APOH: variants seen among roughly 807,000 people sequenced by gnomAD.
APOH encodes beta-2-glycoprotein 1.
A neutral mutation model predicts 39.8 loss-of-function variants in APOH; 48 were observed. The ratio of observed to expected loss-of-function variants is 1.21; its 90% confidence interval spans 0.96 to 1.54. APOH has a LOEUF of 1.54. Among genes scored for constraint, APOH ranks in the 40% most tolerant of loss-of-function variants. The probability of loss-of-function intolerance (pLI) is 0.00; values close to 1 mark genes in which losing one functional copy is unlikely to be tolerated. For synonymous variants in APOH, 153 were observed against 151.1 expected (o/e 1.01, Z -0.09); for missense variants, 415 against 421.2 (o/e 0.99, Z 0.13).
At chr17:66,223,634 CT>C in intron 4 of APOH, 63 bp downstream of exon 4, 1 of 1,416,648 alleles carries the variant, frequency 7.1e-7, no homozygotes, top group South Asian at 1.2e-5. Context: ...AGATGTGAGA[CT>C]TTGAGTGCTA....
Position 66,220,564 on chromosome 17 carries a change from T to C in APOH, c.594A>G (p.Pro198=). ...GATCATTGCACTTACCCCTGCATTC[T>C]GGTAATTTAGTCCAATTTCCATGTG... is the stretch of plus-strand genomic sequence containing the variant. ...CTTHGNWTKL[P]ECREVKCPFP... Residue 198 remains proline, a synonymous_variant, in exon 5 of 8, where the codon CCA becomes CCG. Transcript: ENST00000205948. The C allele has an allele frequency of 1.2e-6, 2 of 1,614,102 alleles. No individual in the cohort carries two copies. The highest frequency in any genetic ancestry group is 1.7e-6 in the Non-Finnish European group (2 of 1,179,922).
At position 66,216,935 on chromosome 17, in the gene APOH, T is replaced by C; in HGVS notation, c.637A>G (p.Asn213Asp). 1.2e-6 allele frequency: 2 copies of C among 1,607,120 alleles called. No homozygotes were observed. Among genetic ancestry groups the C allele is most frequent in the Non-Finnish European group, 1.7e-6 (2 of 1,177,598 alleles). The change falls in exon 6 of 8, where the codon AAT becomes GAT. Residue 213 changes from asparagine (N) to aspartate (D), a missense_variant. By Grantham distance (23) the Asn-to-Asp change is conservative. This residue lies in a region of APOH where 288 missense variants were observed against 284.9 expected (regional missense o/e 1.01). Coordinates refer to ENST00000205948, the MANE Select transcript of APOH (RefSeq NM_000042.3). ...VKCPFPSRPD[N>D]GFVNYPAKPT... Reference sequence around the variant, plus strand: ...TTTGCAGGATAGTTCACAAATCCATTGTCTGGTCTTGATGGGAATGGGCAT... The same window carrying C: ...TTTGCAGGATAGTTCACAAATCCATCGTCTGGTCTTGATGGGAATGGGCAT...
chr17:66,228,316 C>T (rs926038755), intron 1 of APOH, 120 bp from the exon 2 acceptor site: 14 of 968,612 alleles, frequency 1.4e-5, no homozygotes, highest in Admixed American at 2.5e-5. Context: ...AAGTTGCATG[C>T]CAAATACCTC....
At chr17:66,224,084 T>C (rs1180802059) in intron 3 of APOH, among the ~76,000 whole-genome samples, 2 of 152,178 alleles carry the variant, frequency 1.3e-5, no homozygotes, top group East Asian at 3.8e-4. Flanking sequence ...TTTTTCAGGA[T>C]GACAAAAGTG....
chr17:66,229,315 C>T lies in APOH; in HGVS notation c.64+1G>A. 5 of 1,612,992 alleles carry T rather than the reference C, an allele frequency of 3.1e-6. No homozygotes were observed. Among genetic ancestry groups the T allele is most frequent in the Non-Finnish European group, 4.2e-6 (5 of 1,179,244 alleles). On this transcript the variant is annotated splice_donor_variant, in intron 1 of 7. Coordinates refer to ENST00000205948, the MANE Select transcript of APOH (RefSeq NM_000042.3). LOFTEE classifies it high-confidence loss of function. ...TTTTTTCAAAAGCAAAAAGTACTTA[C>T]TCCGTCCTGCAATAGCAACATGGCA...
At chr17:66,226,236 C>A in intron 2 of APOH, 112 bp from the exon 3 acceptor site, 1 of 755,812 alleles carries the variant, frequency 1.3e-6, no homozygotes, top group Non-Finnish European at 2.1e-6. Flanking sequence ...AATTCATTTT[C>A]ATCCTTTGGT....
Position 66,214,582 on chromosome 17 carries a change from T to G in APOH, c.853A>C (p.Lys285Gln), listed in dbSNP as rs754085582. ...YQGERVKIQEKFKNGMLHGDK... is the reference protein window; with the variant it reads ...YQGERVKIQEQFKNGMLHGDK... ...CCATGTAGCATTCCATTCTTAAATTTTTCCTGAATCTTTACTCTCTCTCCT... is the reference window on the plus strand; with the variant it reads ...CCATGTAGCATTCCATTCTTAAATTGTTCCTGAATCTTTACTCTCTCTCCT... Residue 285 changes from lysine (K) to glutamine (Q), a missense_variant, in exon 7 of 8, where the codon AAA becomes CAA. Physicochemically the swap from Lys to Gln is moderately conservative, Grantham distance 53. Coordinates refer to ENST00000205948, the MANE Select transcript of APOH (RefSeq NM_000042.3). 3.0e-5 allele frequency: 48 copies of G among 1,613,988 alleles called. No homozygotes were observed. The South Asian group carries it at 5.2e-4, about 17-fold the overall frequency.
In APOH at chr17:66,226,116, A is replaced by G. The variant is rs1430551583; in HGVS notation, c.250T>C (p.Cys84Arg). Reference protein sequence around the residue: ...INTLKCTPRVCPFAGILENGA... With the variant: ...INTLKCTPRVRPFAGILENGA... ...TTTTCTAAGATTCCAGCAAAAGGAC[A>G]TACTCTGGCTGTGATACAAAGATAA... Residue 84 changes from cysteine (C) to arginine (R), a missense_variant, in exon 3 of 8, where the codon TGT becomes CGT. Around this residue, in one of 3 missense-constraint regions of APOH, gnomAD observed 288 missense variants for 284.9 expected, o/e 1.01. Transcript: ENST00000205948. 6.2e-7 allele frequency: 1 copy of G among 1,612,028 alleles called. No individual in the cohort carries two copies. The highest frequency in any genetic ancestry group is 8.5e-7 in the Non-Finnish European group (1 of 1,178,740).
In APOH at chr17:66,229,044, G is replaced by A. The variant is rs986616285; in HGVS notation, c.64+272C>T. On this transcript the variant is annotated intron_variant, in intron 1 of 7. Coordinates refer to ENST00000205948, the MANE Select transcript of APOH (RefSeq NM_000042.3). ...GACAGGGTTTCACTATGTTGCCCAG[G>A]CTGGGCTCGAATTCCTGACCTCAAC... Among the ~76,000 whole-genome samples, 3 of 151,706 alleles carry A rather than the reference G, an allele frequency of 2.0e-5. 1 individual carries two copies. The East Asian group carries it at 5.9e-4, about 30-fold the overall frequency.
intron 5 of APOH, among the ~76,000 whole-genome samples, chr17:66,218,371 G>T (rs1002727897): frequency 5.3e-5 from 8 of 151,690 alleles, no homozygotes; most frequent in African/African-American, 1.9e-4. Context: ...GTGCAGTGGT[G>T]CAATCTTGGC....
At chr17:66,226,170 A>C in intron 2 of APOH, 46 bp from the exon 3 acceptor site, 1 of 1,387,868 alleles carries the variant, frequency 7.2e-7, no homozygotes, top group Non-Finnish European at 1.0e-6. Context: ...GGGCTAAAAA[A>C]AAACATAAAC....
rs542630662 is a variant in APOH, at chr17:66,221,370, GGGGA to G, written c.416-632_416-629del. 1.0e-3 allele frequency among the ~76,000 whole-genome samples: 40 copies of G among 39,432 alleles called. 1 individual carries two copies. Among genetic ancestry groups the G allele is most frequent in the Admixed American group, 3.4e-3 (9 of 2,610 alleles). 25.9% of individuals were successfully genotyped at this position (39,432 alleles called of 152,430 possible). A position where few individuals can be genotyped will look rare whatever the true frequency, so the allele number is the denominator to read the frequency against. On this transcript the variant is annotated intron_variant, in intron 4 of 7. Coordinates refer to ENST00000205948, the MANE Select transcript of APOH (RefSeq NM_000042.3). ...AAGAAAGAAAGAGGAGGGGAGGGGA[GGGGA>G]GGGAGGGAGGAAGGAAGGAAGGAAG... is the stretch of plus-strand genomic sequence containing the variant.
chr17:66,222,351 T>TCCGG (rs1363600212), intron 4 of APOH, among the ~76,000 whole-genome samples: 1 of 151,456 alleles, frequency 6.6e-6, no homozygotes, highest in Non-Finnish European at 1.5e-5. Context: ...GCCACTGCAC[T>TCCGG]CCGGCCTGGG....
chr17:66,218,232 C>T (rs1049397612), intron 5 of APOH, among the ~76,000 whole-genome samples: 1 of 152,190 alleles, frequency 6.6e-6, no homozygotes, highest in Non-Finnish European at 1.5e-5. Flanking sequence ...TGATCTAGCA[C>T]CCCTCAACTG....
chr17:66,220,473 C>A, intron 5 of APOH, 81 bp downstream of exon 5: 1 of 1,375,356 alleles, frequency 7.3e-7, no homozygotes, highest in Non-Finnish European at 1.0e-6. Flanking sequence ...GGAAACACTC[C>A]ATGATAGTCA....
chr17:66,220,645 A>C lies in APOH; in HGVS notation c.513T>G (p.Val171=), dbSNP rs2065186399. 3 of 1,614,046 alleles carry C rather than the reference A, an allele frequency of 1.9e-6. No homozygotes were observed. In the African/African-American group the frequency reaches 4.0e-5, roughly 22 times the overall value. Residue 171 remains valine, a synonymous_variant, in exon 5 of 8, where the codon GTT becomes GTG. Transcript: ENST00000205948. ...GNNSLYRDTA[V]FECLPQHAMF... is the part of the protein sequence containing the mutation. The stretch of plus-strand genomic sequence containing the variant: ...TCGCATGTTGTGGCAAACATTCAAA[A>C]ACTGCTGTGTCCCGATAGAGGGAAT...
chr17:66,222,567 CTTTTTT>C (rs1178795590), intron 4 of APOH, among the ~76,000 whole-genome samples: 3 of 84,880 alleles, frequency 3.5e-5, no homozygotes, highest in South Asian at 4.6e-4. Flanking sequence ...TTTCCACTTG[CTTTTTT>C]TTTTTTTTTT....
chr17:66,222,761 G>A (rs1408610500), intron 4 of APOH, among the ~76,000 whole-genome samples: 2 of 151,950 alleles, frequency 1.3e-5, no homozygotes, highest in African/African-American at 4.8e-5. Flanking sequence ...AGTAGAGACG[G>A]AGTTTCTCCA....
In APOH at chr17:66,216,919, T is replaced by C; in HGVS notation, c.653A>G (p.Tyr218Cys). 1 of 1,611,826 alleles carries C rather than the reference T, an allele frequency of 6.2e-7. No individual in the cohort carries two copies. Among genetic ancestry groups the C allele is most frequent in the East Asian group, 2.2e-5 (1 of 44,812 alleles). Residue 218 changes from tyrosine to cysteine, a missense_variant, in exon 6 of 8, where the codon TAT becomes TGT. By Grantham distance (194) the Tyr-to-Cys change is radical. Around this residue, in one of 3 missense-constraint regions of APOH, gnomAD observed 288 missense variants for 284.9 expected, o/e 1.01. Coordinates refer to ENST00000205948, the MANE Select transcript of APOH (RefSeq NM_000042.3). Reference protein sequence around the residue: ...PSRPDNGFVNYPAKPTLYYKD... With the variant: ...PSRPDNGFVNCPAKPTLYYKD... ...GTAATAAAGTGTTGGTTTTGCAGGA[T>C]AGTTCACAAATCCATTGTCTGGTCT...
Sources: allele counts gnomAD v4.1 joint callset (sites outside exome capture counted in the v4.1 genomes callset), GRCh38; gene constraint gnomAD v4.1.1; regional missense constraint gnomAD v4.1.1; transcripts MANE v1.5; gene names NCBI Gene and HGNC (gene_info 2026-07-23, HGNC 2026-07-21).